TMEM217B: variants seen among roughly 807,000 people sequenced by gnomAD.
The protein encoded by TMEM217B is transmembrane protein 217B, also known as putative transmembrane protein 217B.
At chr6:37,248,448 T>A in the TMEM217B span, among the ~76,000 whole-genome samples, 1 of 152,172 alleles carries the variant, frequency 6.6e-6, no homozygotes, top group Non-Finnish European at 1.5e-5. Flanking sequence ...GGCATTCCCC[T>A]CCCTTCACTC....
chr6:37,250,081 G>A, the TMEM217B span, among the ~76,000 whole-genome samples: 4 of 152,250 alleles, frequency 2.6e-5, no homozygotes, highest in Admixed American at 6.5e-5. Context: ...TTAGTGAACT[G>A]TAGCTGTACT....
chr6:37,247,284 T>C, the TMEM217B span, among the ~76,000 whole-genome samples: 1 of 152,254 alleles, frequency 6.6e-6, no homozygotes, highest in African/African-American at 2.4e-5. Flanking sequence ...GAGACAAGGA[T>C]TTGAGTCCAA....
the TMEM217B span, chr6:37,212,725 A>C: frequency 1.5e-6 from 1 of 663,884 alleles, no homozygotes; most frequent in Non-Finnish European, 2.8e-6. Context: ...CCCCATGTAG[A>C]TATTCTTGTG....
chr6:37,243,701 C>A, the TMEM217B span, among the ~76,000 whole-genome samples: 1 of 152,120 alleles, frequency 6.6e-6, no homozygotes, highest in Non-Finnish European at 1.5e-5. Flanking sequence ...TGGGTTCAAG[C>A]GATTCTCCTG....
chr6:37,227,454 TG>T, the TMEM217B span, among the ~76,000 whole-genome samples: 1 of 152,230 alleles, frequency 6.6e-6, no homozygotes, highest in Non-Finnish European at 1.5e-5. Context: ...TTTTGTTTTT[TG>T]TTTTTGTTTG....
the TMEM217B span, among the ~76,000 whole-genome samples, chr6:37,257,023 A>G: frequency 6.6e-6 from 1 of 152,250 alleles, no homozygotes; most frequent in Non-Finnish European, 1.5e-5. Context: ...TGGGGCCGGG[A>G]GGAGATACAT....
At chr6:37,248,696 G>A in the TMEM217B span, among the ~76,000 whole-genome samples, 2 of 152,150 alleles carry the variant, frequency 1.3e-5, no homozygotes, top group East Asian at 1.9e-4. Context: ...TAAGGATGGC[G>A]AACAAGGAAC....
chr6:37,250,789 T>G, the TMEM217B span, among the ~76,000 whole-genome samples: 1 of 152,270 alleles, frequency 6.6e-6, no homozygotes, highest in African/African-American at 2.4e-5. Flanking sequence ...TGCAACACAT[T>G]CTGATCTTTT....
At chr6:37,226,394 G>T in the TMEM217B span, among the ~76,000 whole-genome samples, 36 of 141,358 alleles carry the variant, frequency 2.5e-4, 1 homozygote, top group South Asian at 9.6e-4. Context: ...CCGGGTTCAC[G>T]CCATTCTCCT....
At chr6:37,237,034 C>CAAAA in the TMEM217B span, among the ~76,000 whole-genome samples, 2 of 152,140 alleles carry the variant, frequency 1.3e-5, no homozygotes, top group Non-Finnish European at 1.5e-5. Context: ...AAGAGCAAGC[C>CAAAA]AGATGGAAGC....
chr6:37,234,684 C>T, the TMEM217B span, among the ~76,000 whole-genome samples: 57 of 151,884 alleles, frequency 3.8e-4, no homozygotes, highest in Non-Finnish European at 6.9e-4. Context: ...TGCACTGAGC[C>T]GAGATGGTGC....
the TMEM217B span, chr6:37,218,184 T>TC: frequency 8.4e-7 from 1 of 1,186,200 alleles, no homozygotes; most frequent in South Asian, 3.1e-5. Context: ...TTTTTTTTTT[T>TC]TGGGGGACAG....
chr6:37,217,895 T>C, the TMEM217B span: 4 of 985,756 alleles, frequency 4.1e-6, no homozygotes, highest in Non-Finnish European at 3.6e-6. Flanking sequence ...ACCAATCAGG[T>C]GGTAGAAAGG....
At chr6:37,228,212 A>G in the TMEM217B span, among the ~76,000 whole-genome samples, 7 of 152,214 alleles carry the variant, frequency 4.6e-5, no homozygotes, top group Non-Finnish European at 2.9e-5. Flanking sequence ...CCTGGGCAAC[A>G]TAGCAAGACT....
the TMEM217B span, among the ~76,000 whole-genome samples, chr6:37,235,452 G>A: frequency 3.3e-5 from 5 of 152,110 alleles, no homozygotes; most frequent in African/African-American, 1.2e-4. Context: ...TGCAAGCTCC[G>A]CCTCCCAGGT....
the TMEM217B span, among the ~76,000 whole-genome samples, chr6:37,254,014 A>C: frequency 6.6e-6 from 1 of 152,180 alleles, no homozygotes; most frequent in Admixed American, 6.5e-5. Flanking sequence ...GAAAGTAAAA[A>C]CTTGCAGAAG....
At chr6:37,234,894 T>C in the TMEM217B span, among the ~76,000 whole-genome samples, 1 of 152,004 alleles carries the variant, frequency 6.6e-6, no homozygotes, top group Non-Finnish European at 1.5e-5. Flanking sequence ...TATTATAAGG[T>C]TTACATATTA....
At chr6:37,217,096 C>T in the TMEM217B span, among the ~76,000 whole-genome samples, 121,233 of 151,938 alleles carry the variant, frequency 0.8, 48,736 homozygotes, top group East Asian at 0.9. Flanking sequence ...GAATTCAATA[C>T]CAGCCTGACC....
the TMEM217B span, chr6:37,213,003 G>A: frequency 1.3e-6 from 2 of 1,528,644 alleles, no homozygotes; most frequent in Non-Finnish European, 1.8e-6. Flanking sequence ...CCTCCTGCAG[G>A]AAGAAAATCA....
Sources: allele counts gnomAD v4.1 joint callset (sites outside exome capture counted in the v4.1 genomes callset), GRCh38; gene constraint gnomAD v4.1.1; transcripts MANE v1.5; gene names NCBI Gene and HGNC (gene_info 2026-07-23, HGNC 2026-07-21).